PGCKA1: variants seen among roughly 807,000 people sequenced by gnomAD.
PGCKA1 encodes PDCD10 and GCKIII kinases associated 1.
At chr4:37,493,399 G>A in the PGCKA1 span, among the ~76,000 whole-genome samples, 6 of 152,004 alleles carry the variant, frequency 3.9e-5, no homozygotes, top group African/African-American at 4.8e-5. Flanking sequence ...ACTTCATGAC[G>A]TATTAGTTTT....
the PGCKA1 span, among the ~76,000 whole-genome samples, chr4:37,459,472 C>T: frequency 6.6e-6 from 1 of 152,208 alleles, no homozygotes; most frequent in Non-Finnish European, 1.5e-5. Flanking sequence ...TGCCCTTAGT[C>T]ACACAGCTAA....
chr4:37,490,937 A>G, the PGCKA1 span, among the ~76,000 whole-genome samples: 2 of 152,210 alleles, frequency 1.3e-5, no homozygotes, highest in African/African-American at 2.4e-5. Flanking sequence ...GAAAGGGAGT[A>G]CCCCCAAAAT....
chr4:37,562,930 G>A, the PGCKA1 span, among the ~76,000 whole-genome samples: 5,710 of 152,216 alleles, frequency 0.038, 273 homozygotes, highest in East Asian at 0.14. Context: ...TTAGCAGAGT[G>A]TCTTACCCCT....
the PGCKA1 span, among the ~76,000 whole-genome samples, chr4:37,511,972 G>T: frequency 0.4 from 60,365 of 152,088 alleles, 13,097 homozygotes; most frequent in Non-Finnish European, 0.49. Context: ...CTGTAGCCGG[G>T]CATCAGCTGA....
chr4:37,477,392 G>C, the PGCKA1 span, among the ~76,000 whole-genome samples: 1 of 152,168 alleles, frequency 6.6e-6, no homozygotes, highest in Admixed American at 6.6e-5. Flanking sequence ...GCTGGGGAGA[G>C]CAAGGGGATT....
At chr4:37,516,907 A>G in the PGCKA1 span, among the ~76,000 whole-genome samples, 2 of 152,198 alleles carry the variant, frequency 1.3e-5, no homozygotes, top group Non-Finnish European at 2.9e-5. Flanking sequence ...TAAACTTTTA[A>G]TAGCACACTT....
At chr4:37,459,531 C>G in the PGCKA1 span, among the ~76,000 whole-genome samples, 1 of 152,178 alleles carries the variant, frequency 6.6e-6, no homozygotes, top group Non-Finnish European at 1.5e-5. Context: ...TCTCAAAAAA[C>G]TATTCCTTTT....
chr4:37,453,458 A>AG, the PGCKA1 span, among the ~76,000 whole-genome samples: 1 of 152,080 alleles, frequency 6.6e-6, no homozygotes, highest in Non-Finnish European at 1.5e-5. Context: ...TAGCTCATAC[A>AG]GGGCTGGCCA....
At chr4:37,555,501 G>A in the PGCKA1 span, among the ~76,000 whole-genome samples, 3 of 152,244 alleles carry the variant, frequency 2.0e-5, no homozygotes, top group Admixed American at 1.3e-4. Flanking sequence ...TTATCTTTCC[G>A]AAAATGGTTG....
the PGCKA1 span, among the ~76,000 whole-genome samples, chr4:37,493,993 G>A: frequency 2.0e-5 from 3 of 152,058 alleles, no homozygotes; most frequent in South Asian, 6.2e-4. Flanking sequence ...AACTTAGGTC[G>A]CTTCCAAATC....
chr4:37,497,949 C>G, the PGCKA1 span, among the ~76,000 whole-genome samples: 1 of 152,024 alleles, frequency 6.6e-6, no homozygotes, highest in Admixed American at 6.5e-5. Context: ...TCACGAAATC[C>G]TTGCCTAAGC....
At chr4:37,455,243 A>G in the PGCKA1 span, among the ~76,000 whole-genome samples, 1 of 152,212 alleles carries the variant, frequency 6.6e-6, no homozygotes, top group African/African-American at 2.4e-5. Context: ...TAGGAAGGAT[A>G]AGACAGATGT....
chr4:37,497,182 T>A, the PGCKA1 span, among the ~76,000 whole-genome samples: 18,368 of 152,144 alleles, frequency 0.12, 1,274 homozygotes, highest in East Asian at 0.33. Flanking sequence ...GAACATATGA[T>A]GTTTGGTTTT....
the PGCKA1 span, chr4:37,590,997 T>C: frequency 6.2e-7 from 1 of 1,604,310 alleles, no homozygotes; most frequent in African/African-American, 1.3e-5. Flanking sequence ...ATGAGACTGA[T>C]TAGGGGAGGG....
chr4:37,456,096 T>A, the PGCKA1 span, among the ~76,000 whole-genome samples: 3 of 152,210 alleles, frequency 2.0e-5, no homozygotes, highest in Admixed American at 2.0e-4. Context: ...TTTTTGGTCA[T>A]TAGATTACAT....
chr4:37,570,860 T>C, the PGCKA1 span, among the ~76,000 whole-genome samples: 3 of 152,240 alleles, frequency 2.0e-5, no homozygotes, highest in Non-Finnish European at 2.9e-5. Context: ...GAGGTTTTGC[T>C]GTCTCCCAAG....
At chr4:37,555,037 A>C in the PGCKA1 span, among the ~76,000 whole-genome samples, 2 of 152,178 alleles carry the variant, frequency 1.3e-5, no homozygotes, top group African/African-American at 4.8e-5. Flanking sequence ...AGCTGGCTCC[A>C]TCTCATCTTT....
chr4:37,585,588 G>A, the PGCKA1 span, among the ~76,000 whole-genome samples: 1 of 58,128 alleles, frequency 1.7e-5, no homozygotes, highest in African/African-American at 6.2e-5. Context: ...GGTGTTGAGG[G>A]AGGGGAGGGG....
the PGCKA1 span, among the ~76,000 whole-genome samples, chr4:37,567,473 A>AACTC: frequency 6.6e-6 from 1 of 152,232 alleles, no homozygotes; most frequent in African/African-American, 2.4e-5. Flanking sequence ...AGGCCACTGA[A>AACTC]ACTCACGGAG....
Sources: gnomAD v4.1 joint callset for allele counts (sites outside exome capture counted in the v4.1 genomes callset) on GRCh38, gnomAD v4.1.1 for gene constraint, MANE v1.5 for transcripts, NCBI Gene and HGNC (gene_info 2026-07-23, HGNC 2026-07-21) for gene names.